AFDN: variants seen among roughly 807,000 people sequenced by gnomAD.
The protein encoded by AFDN is afadin, adherens junction formation factor, also known as afadin.
In AFDN, 68 loss-of-function variants were observed where a neutral mutation model predicts 216.6. That is an observed-to-expected ratio of 0.31 (90% CI 0.26 to 0.38). AFDN has a LOEUF of 0.38. AFDN is among the 10% of genes least tolerant of loss of function. AFDN has a pLI of 1.00. For missense variants in AFDN, 2,136 were observed against 2,342.0 expected, an observed-to-expected ratio of 0.91 and a Z score of 1.82; for synonymous variants, 868 against 853.7, an observed-to-expected ratio of 1.02 and a Z score of -0.29.
intron 1 of AFDN, among the ~76,000 whole-genome samples, chr6:167,853,809 G>GTT (rs1424929505): frequency 6.6e-6 from 1 of 152,042 alleles, no homozygotes; most frequent in East Asian, 1.9e-4. Flanking sequence ...AGTATAAAGA[G>GTT]TTTTGCCCTA....
At chr6:167,856,815 A>T (rs1270042167) in intron 1 of AFDN, among the ~76,000 whole-genome samples, 1 of 152,108 alleles carries the variant, frequency 6.6e-6, no homozygotes, top group Non-Finnish European at 1.5e-5. Context: ...TTTTAGTGTC[A>T]TATATATATG....
chr6:167,911,508 G>A lies in AFDN; in HGVS notation c.2037+19G>A, dbSNP rs1465298628. On this transcript the variant is annotated intron_variant, in intron 15 of 33. Transcript: ENST00000683244. ...CATCCAGGTACGTTCCAGCCGGCCA[G>A]CCATGCTCCTCCAGTGATTGTGGTT... The A allele has an allele frequency of 1.2e-6, 2 of 1,610,714 alleles. No homozygotes were observed. Among genetic ancestry groups the A allele is most frequent in the African/African-American group, 2.7e-5 (2 of 74,834 alleles).
intron 1 of AFDN, among the ~76,000 whole-genome samples, chr6:167,834,819 A>G (rs1780239952): frequency 6.6e-6 from 1 of 151,772 alleles, no homozygotes. Context: ...GTCTCTACCA[A>G]AATTTAAAAA....
At chr6:167,911,512 T>C in intron 15 of AFDN, 23 bp downstream of exon 15, 1 of 1,609,388 alleles carries the variant, frequency 6.2e-7, no homozygotes, top group Non-Finnish European at 8.5e-7. Flanking sequence ...CGGCCAGCCA[T>C]GCTCCTCCAG....
intron 25 of AFDN, 43 bp from the exon 26 acceptor site, chr6:167,943,898 C>T: frequency 6.5e-7 from 1 of 1,529,576 alleles, no homozygotes; most frequent in Non-Finnish European, 9.1e-7. Flanking sequence ...AGAGCAGGCA[C>T]TGCGTTTTAG....
At chr6:167,869,678 A>G (rs1424836491) in intron 2 of AFDN, among the ~76,000 whole-genome samples, 1 of 152,186 alleles carries the variant, frequency 6.6e-6, no homozygotes, top group Non-Finnish European at 1.5e-5. Flanking sequence ...CAGCGACCGT[A>G]GGCCTCTGTG....
intron 31 of AFDN, chr6:167,964,270 G>T: frequency 9.4e-7 from 1 of 1,063,792 alleles, no homozygotes; most frequent in Non-Finnish European, 1.1e-6. Context: ...TCATTTGTTG[G>T]GTAGAATAAA....
chr6:167,874,081 CAAAG>C (rs1785076837), intron 4 of AFDN, among the ~76,000 whole-genome samples: 1 of 152,036 alleles, frequency 6.6e-6, no homozygotes, highest in Admixed American at 6.6e-5. Flanking sequence ...GAACAAAAAT[CAAAG>C]AAAAGGAGAG....
At chr6:167,946,353 G>T (rs1352198287) in intron 26 of AFDN, among the ~76,000 whole-genome samples, 1 of 152,094 alleles carries the variant, frequency 6.6e-6, no homozygotes, top group Non-Finnish European at 1.5e-5. Context: ...GATGACGCTG[G>T]GCGATTAAAA....
At position 167,927,166 on chromosome 6, in the gene AFDN, A is replaced by G. The variant is rs1274435768; in HGVS notation, c.3099+2075A>G. On this transcript the variant is annotated intron_variant, in intron 23 of 33. Transcript: ENST00000683244. ...AAAACTTTACCTTTGTGTATTTTGG[A>G]GAAATTAAGAAGATGAATGGGCGTT... Among the ~76,000 whole-genome samples the G allele has an allele frequency of 2.0e-5, 3 of 152,256 alleles. No homozygotes were observed. In the East Asian group the frequency reaches 5.8e-4, roughly 29 times the overall value.
At chr6:167,954,548 C>G in intron 30 of AFDN, 1 of 1,513,412 alleles carries the variant, frequency 6.6e-7, no homozygotes, top group Non-Finnish European at 9.0e-7. Context: ...ATTTTCTTTT[C>G]TTTCAGTGGT....
intron 23 of AFDN, among the ~76,000 whole-genome samples, chr6:167,939,913 A>G (rs541343034): frequency 1.0e-3 from 152 of 152,374 alleles, no homozygotes; most frequent in Admixed American, 2.7e-3. Context: ...TGATATGCTA[A>G]AATTCAGAAA....
intron 23 of AFDN, among the ~76,000 whole-genome samples, chr6:167,931,738 A>T (rs528634288): frequency 4.6e-5 from 7 of 152,140 alleles, no homozygotes; most frequent in African/African-American, 1.4e-4. Flanking sequence ...TATTTTTGAG[A>T]TTTCAGGGGT....
intron 2 of AFDN, among the ~76,000 whole-genome samples, chr6:167,869,546 G>C (rs1298667358): frequency 6.6e-6 from 1 of 152,150 alleles, no homozygotes; most frequent in African/African-American, 2.4e-5. Context: ...AGTTGTGTGT[G>C]GGGCTTGCAG....
chr6:167,851,837 C>A (rs1183460103), intron 1 of AFDN, among the ~76,000 whole-genome samples: 1 of 152,110 alleles, frequency 6.6e-6, no homozygotes. Context: ...ATTCATTATC[C>A]ATTTTCAGAA....
At chr6:167,933,911 C>T in intron 23 of AFDN, among the ~76,000 whole-genome samples, 1 of 152,120 alleles carries the variant, frequency 6.6e-6, no homozygotes, top group Non-Finnish European at 1.5e-5. Context: ...CACACTGCCC[C>T]AGGCTTGCCC....
At chr6:167,853,050 A>G (rs1417440769) in intron 1 of AFDN, among the ~76,000 whole-genome samples, 2 of 152,090 alleles carry the variant, frequency 1.3e-5, no homozygotes, top group Non-Finnish European at 2.9e-5. Flanking sequence ...AAGAGACTAC[A>G]GTCTAAGTGC....
At chr6:167,878,198 C>G (rs1000543804) in intron 5 of AFDN, among the ~76,000 whole-genome samples, 76 of 152,056 alleles carry the variant, frequency 5.0e-4, no homozygotes, top group African/African-American at 1.7e-3. Context: ...GAACATGGAC[C>G]TGGGGTCAGG....
At position 167,952,020 on chromosome 6, in the gene AFDN, C is replaced by A; in HGVS notation, c.4666C>A (p.Arg1556Ser). Residue 1556 changes from arginine (R) to serine (S), a missense_variant, in exon 30 of 34, where the codon CGC (arginine) becomes AGC (serine). Transcript: ENST00000683244. The stretch of plus-strand genomic sequence containing the variant: ...CCAGGAGCTCCAGAGCAAACCGGAC[C>A]GCAGCGCCGAGGAGAGCGACCGGCT... ...EIQELQSKPD[R>S]SAEESDRLRK... The A allele has an allele frequency of 6.2e-7, 1 of 1,614,146 alleles. No individual in the cohort carries two copies. The highest frequency in any genetic ancestry group is 8.5e-7 in the Non-Finnish European group (1 of 1,180,026).
Sources: allele counts gnomAD v4.1 joint callset (sites outside exome capture counted in the v4.1 genomes callset), GRCh38; gene constraint gnomAD v4.1.1; transcripts MANE v1.5; gene names NCBI Gene and HGNC (gene_info 2026-07-23, HGNC 2026-07-21).